GRIP2: variants seen among roughly 807,000 people sequenced by gnomAD.
The protein encoded by GRIP2 is glutamate receptor interacting protein 2.
Under a neutral mutation model 108.3 loss-of-function variants are expected in GRIP2, and 58 were observed. The ratio of observed to expected loss-of-function variants is 0.54; its 90% CI spans 0.43 to 0.67. The LOEUF (loss-of-function observed/expected upper bound fraction) is 0.67. Ranked by LOEUF, GRIP2 falls within the 30% of genes least tolerant of loss-of-function variation. The pLI, the probability that GRIP2 is intolerant of heterozygous loss-of-function variation, is 0.00. For synonymous variants in GRIP2, 586 were observed against 598.2 expected (o/e 0.98, Z 0.30); for missense variants, 1,278 against 1,430.6 (o/e 0.89, Z 1.72).
At chr3:14,495,498 C>G (rs750060601) in intron 22 of GRIP2, among the ~76,000 whole-genome samples, 7 of 152,190 alleles carry the variant, frequency 4.6e-5, no homozygotes, top group Admixed American at 3.3e-4. Context: ...CCTCCGCCTA[C>G]TGGGTTCAAG....
At chr3:14,496,037 T>C (rs1693591493) in intron 22 of GRIP2, among the ~76,000 whole-genome samples, 3 of 151,802 alleles carry the variant, frequency 2.0e-5, no homozygotes, top group African/African-American at 7.3e-5. Flanking sequence ...CCCAGCTTCT[T>C]GTGGGGCTGA....
At chr3:14,585,367 A>C in the GRIP2 span, among the ~76,000 whole-genome samples, 1 of 152,130 alleles carries the variant, frequency 6.6e-6, no homozygotes, top group Admixed American at 6.5e-5. Flanking sequence ...AAGGTGTTTG[A>C]TTTAATATAT....
rs904994414 is a variant in GRIP2 at position 14,489,911 on chromosome 3, T to A, written c.*3754A>T. On this transcript the variant is annotated 3_prime_UTR_variant, in exon 24 of 24. Coordinates refer to ENST00000621039, the MANE Select transcript of GRIP2 (RefSeq NM_001080423.4). Reference sequence around the variant, plus strand: ...CGCTCATTAATACCCAGTTAGGGGCTCTCTGGGGTCACAACAGGTCCATGT... The same window carrying A: ...CGCTCATTAATACCCAGTTAGGGGCACTCTGGGGTCACAACAGGTCCATGT... The A allele has an allele frequency of 1.3e-5, 2 of 152,120 alleles. No homozygotes were observed. The highest frequency in any genetic ancestry group is 1.3e-4 in the Admixed American group (2 of 15,276). The allele number at this position is 152,120 out of a possible 1,614,324, so 9.4% of individuals were successfully genotyped here.
chr3:14,517,265 C>A, intron 10 of GRIP2, 52 bp from the exon 11 acceptor site: 1 of 1,483,662 alleles, frequency 6.7e-7, no homozygotes, highest in Admixed American at 2.4e-5. Context: ...CTCTCCACCC[C>A]ACCACACAGT....
At chr3:14,563,496 G>A in the GRIP2 span, among the ~76,000 whole-genome samples, 1 of 152,154 alleles carries the variant, frequency 6.6e-6, no homozygotes, top group Non-Finnish European at 1.5e-5. Context: ...CCTGAGGGAG[G>A]AGGAGCAGCG....
intron 23 of GRIP2, 123 bp downstream of exon 23, chr3:14,494,720 G>C: frequency 1.6e-6 from 2 of 1,246,182 alleles, no homozygotes; most frequent in East Asian, 5.5e-5. Context: ...TGCAACTTTG[G>C]CTAACCTGAC....
the GRIP2 span, chr3:14,573,429 T>C: frequency 1.4e-6 from 2 of 1,412,458 alleles, no homozygotes; most frequent in South Asian, 1.2e-5. Context: ...GATCCTGGTG[T>C]GCAGGAAGAG....
intron 16 of GRIP2, among the ~76,000 whole-genome samples, chr3:14,510,522 C>T (rs1694057274): frequency 6.6e-6 from 1 of 152,064 alleles, no homozygotes; most frequent in South Asian, 2.1e-4. Flanking sequence ...ACCTTGGCCT[C>T]CCAAAGTGAG....
rs1474537982 is a variant in GRIP2 at position 14,532,707 on chromosome 3, GTTAAGGGCGGGGCTCAGACTGAC to G, written c.41-6799_41-6777del. 4.6e-5 allele frequency among the ~76,000 whole-genome samples: 7 copies of G among 152,046 alleles called. No homozygotes were observed. The South Asian group carries it at 1.2e-3, about 27-fold the overall frequency. On this transcript the variant is annotated intron_variant, in intron 1 of 23. Coordinates refer to ENST00000621039, the MANE Select transcript of GRIP2 (RefSeq NM_001080423.4). ...TGGGTCTGGGCCAGGCTCAGCCTGA[GTTAAGGGCGGGGCTCAGACTGAC>G]TTAAGGGCTGGGCGCAGACTGAGTC... is the stretch of plus-strand genomic sequence containing the variant.
chr3:14,590,286 T>C, the GRIP2 span, among the ~76,000 whole-genome samples: 1 of 152,208 alleles, frequency 6.6e-6, no homozygotes. Flanking sequence ...CGCTTACTTT[T>C]CTTATTGATT....
chr3:14,583,120 C>T, the GRIP2 span, among the ~76,000 whole-genome samples: 1 of 152,200 alleles, frequency 6.6e-6, no homozygotes, highest in African/African-American at 2.4e-5. Context: ...CTCCCCTACC[C>T]CTCTCCAGCT....
intron 1 of GRIP2, among the ~76,000 whole-genome samples, chr3:14,550,637 A>C (rs1243537149): frequency 1.3e-5 from 2 of 152,214 alleles, no homozygotes. Flanking sequence ...ATGGGAGTAT[A>C]TGTGGGGCTG....
intron 11 of GRIP2, among the ~76,000 whole-genome samples, chr3:14,516,717 A>G (rs542617554): frequency 2.2e-3 from 337 of 152,336 alleles, no homozygotes; most frequent in Non-Finnish European, 3.6e-3. Context: ...TTATCCATGA[A>G]TGAATCAGGA....
intron 17 of GRIP2, among the ~76,000 whole-genome samples, chr3:14,508,206 G>A (rs1182838930): frequency 1.3e-5 from 2 of 152,190 alleles, no homozygotes; most frequent in African/African-American, 2.4e-5. Flanking sequence ...AATCACCAGC[G>A]CCCAGCAGAC....
intron 21 of GRIP2, among the ~76,000 whole-genome samples, chr3:14,497,063 G>C (rs1693630911): frequency 6.6e-6 from 1 of 151,216 alleles, no homozygotes; most frequent in Admixed American, 6.6e-5. Context: ...ACAGGTTCAA[G>C]TGATTCTCCT....
chr3:14,516,961 C>T (rs2124905830), intron 11 of GRIP2, 103 bp downstream of exon 11: 1 of 1,161,566 alleles, frequency 8.6e-7, no homozygotes, highest in Non-Finnish European at 1.1e-6. Context: ...ACACCTGGAG[C>T]TCTGCCCAAA....
chr3:14,525,361 C>T (rs1575016795), intron 3 of GRIP2, 76 bp downstream of exon 3: 2 of 1,551,516 alleles, frequency 1.3e-6, no homozygotes, highest in East Asian at 2.2e-5. Flanking sequence ...ACCTTCAGTA[C>T]ATTTTCCACT....
the GRIP2 span, among the ~76,000 whole-genome samples, chr3:14,587,047 G>A: frequency 2.9e-4 from 44 of 152,260 alleles, no homozygotes; most frequent in African/African-American, 8.7e-4. Context: ...TTTCTTCTTC[G>A]TCTTTATTTT....
At chr3:14,501,292 C>T (rs6442459) in intron 21 of GRIP2, among the ~76,000 whole-genome samples, 96,500 of 152,142 alleles carry the variant, frequency 0.63, 32,040 homozygotes, top group African/African-American at 0.83. Flanking sequence ...TTGCACAACA[C>T]TGTGAATATA....
Sources: gnomAD v4.1 joint callset for allele counts (sites outside exome capture counted in the v4.1 genomes callset) on GRCh38, gnomAD v4.1.1 for gene constraint, MANE v1.5 for transcripts, NCBI Gene and HGNC (gene_info 2026-07-23, HGNC 2026-07-21) for gene names.